Variants in KRI1 observed in about 807,000 individuals in gnomAD.
The protein encoded by KRI1 is KRI1 homolog, also known as protein KRI1 homolog.
A neutral mutation model predicts 97.0 loss-of-function variants in KRI1; 83 were observed. The observed-to-expected ratio is 0.86, with a 90% CI of 0.72 to 1.03. The LOEUF (loss-of-function observed/expected upper bound fraction) is 1.03. KRI1 is among the 50% of genes least tolerant of loss of function. KRI1 has a pLI of 0.00. For synonymous variants in KRI1, 371 were observed against 363.5 expected (o/e 1.02, Z -0.23); for missense variants, 916 against 928.4 (o/e 0.99, Z 0.17).
In KRI1 at chr19:10,557,781, C is replaced by T. The variant is rs202211862; in HGVS notation, c.1474G>A (p.Val492Met). 10 of 1,613,278 alleles carry T rather than the reference C, an allele frequency of 6.2e-6. No individual in the cohort carries two copies. Among genetic ancestry groups the T allele is most frequent in the African/African-American group, 4.0e-5 (3 of 75,064 alleles). ...FAAAVGQEKP[V>M]FEPGDKTFEE... ...ACCTGGGCCTCACCGGGTTCAAACA[C>T]GGGCTTCTCCTGCCCCACGGCCGCG... The change falls in exon 15 of 19, where the codon GTG becomes ATG. Residue 492 changes from valine (V) to methionine (M), a missense_variant. Physicochemically the swap from Val to Met is conservative, Grantham distance 21. This residue lies in a region of KRI1 where 672 missense variants were observed against 667.2 expected (regional missense o/e 1.01). Transcript: ENST00000312962.
Position 10,559,707 on chromosome 19 carries a change from A to C in KRI1, c.929T>G (p.Val310Gly). Residue 310 changes from valine to glycine, a missense_variant and splice_region_variant, in exon 11 of 19, where the codon GTC becomes GGC. Around this residue, in one of 3 missense-constraint regions of KRI1, gnomAD observed 672 missense variants for 667.2 expected, o/e 1.01. Coordinates refer to ENST00000312962, the MANE Select transcript of KRI1 (RefSeq NM_023008.5). ...CGCGATGCTGCGTGGGTAGGTCTTGACCTAGGCGCAATCAGAAAAGCCCAC... is the reference window on the plus strand; with the variant it reads ...CGCGATGCTGCGTGGGTAGGTCTTGCCCTAGGCGCAATCAGAAAAGCCCAC... ...FRFEEPDSAS[V>G]KTYPRSIASS... 6.2e-7 allele frequency: 1 copy of C among 1,613,676 alleles called. No individual in the cohort carries two copies. The highest frequency in any genetic ancestry group is 8.5e-7 in the Non-Finnish European group (1 of 1,179,940).
At chr19:10,565,075 GATA>G in intron 2 of KRI1, 41 bp from the exon 3 acceptor site, 1 of 1,306,934 alleles carries the variant, frequency 7.7e-7, no homozygotes. Context: ...TCAGAAGGGA[GATA>G]ATAAGAGCCC....
chr19:10,554,344 C>T lies in KRI1; in HGVS notation c.1782-63G>A. Reference sequence around the variant, plus strand: ...AAGATCAGGCCCATTCTTGAGCACGCATGCCCCATTTTACAGACAGGGAAA... The same window carrying T: ...AAGATCAGGCCCATTCTTGAGCACGTATGCCCCATTTTACAGACAGGGAAA... On this transcript the variant is annotated intron_variant, in intron 18 of 18. Coordinates refer to ENST00000312962, the MANE Select transcript of KRI1 (RefSeq NM_023008.5). 2.1e-6 allele frequency: 3 copies of T among 1,396,516 alleles called. No homozygotes were observed. In the South Asian group the frequency reaches 3.5e-5, roughly 17 times the overall value. 86.5% of individuals were successfully genotyped at this position (1,396,516 alleles called of 1,614,324 possible).
chr19:10,563,653 A>T (rs1916767030), intron 3 of KRI1, among the ~76,000 whole-genome samples: 1 of 151,710 alleles, frequency 6.6e-6, no homozygotes, highest in African/African-American at 2.4e-5. Context: ...AGCCTGATTA[A>T]TTATTATAAT....
At chr19:10,562,003 TG>T (rs1381736161) in intron 4 of KRI1, among the ~76,000 whole-genome samples, 158 bp from the exon 5 acceptor site, 2 of 149,818 alleles carry the variant, frequency 1.3e-5, no homozygotes, top group Non-Finnish European at 3.0e-5. Context: ...GCGATTCTGG[TG>T]AGTTTCCAGC....
intron 2 of KRI1, chr19:10,565,452 A>C: frequency 5.7e-6 from 3 of 522,620 alleles, no homozygotes; most frequent in Non-Finnish European, 1.0e-5. Context: ...TGAAAGAGGA[A>C]AGGGGGGGTT....
At position 10,554,189 on chromosome 19, in the gene KRI1, C is replaced by A. The variant is rs199907683; in HGVS notation, c.1874G>T (p.Gly625Val). 7 of 1,613,748 alleles carry A rather than the reference C, an allele frequency of 4.3e-6. No individual in the cohort carries two copies. In the African/African-American group the frequency reaches 9.3e-5, roughly 22 times the overall value. Residue 625 changes from glycine (G) to valine (V), a missense_variant, in exon 19 of 19, where the codon GGG becomes GTG. This residue lies in a region of KRI1 where 672 missense variants were observed against 667.2 expected (regional missense o/e 1.01). Transcript: ENST00000312962. ...QLPALDGSLM[G>V]PESPPAQEEE... ...TTCCTGTGCTGGGGGACTCTCCGGC[C>A]CCATCAAGCTGCCATCAAGGGCTGG...
At position 10,553,178 on chromosome 19, in the gene KRI1, C is replaced by G; in HGVS notation, c.*773G>C. 1.5e-6 allele frequency: 2 copies of G among 1,343,572 alleles called. No homozygotes were observed. Among genetic ancestry groups the G allele is most frequent in the Non-Finnish European group, 2.0e-6 (2 of 1,007,226 alleles). The allele number at this position is 1,343,572 out of a possible 1,614,324, so 83.2% of individuals were successfully genotyped here. A position where few individuals can be genotyped will look rare whatever the true frequency, so the allele number is the denominator to read the frequency against. On this transcript the variant is annotated 3_prime_UTR_variant, in exon 19 of 19. Coordinates refer to ENST00000312962, the MANE Select transcript of KRI1 (RefSeq NM_023008.5). ...ATGATGGTACTTCCTGTTGTCAGCC[C>G]CTCAAGCCCAGCTGCAACCAGTCTG...
intron 18 of KRI1, 126 bp from the exon 19 acceptor site, chr19:10,554,407 G>T: frequency 1.3e-6 from 1 of 787,848 alleles, no homozygotes; most frequent in Non-Finnish European, 2.0e-6. Flanking sequence ...GCGACCGAGG[G>T]CCTGCCTGGG....
Position 10,560,374 on chromosome 19 carries a change from G to A in KRI1, c.738C>T (p.Asn246=), listed in dbSNP as rs370456922. 2.2e-5 allele frequency: 35 copies of A among 1,613,422 alleles called. No individual in the cohort carries two copies. The highest frequency in any genetic ancestry group is 3.0e-5 in the Non-Finnish European group (35 of 1,179,798). ...CCTCTTCCTCCTCCTCATAGCGTTT[G>A]TTGAGGATGTAATCCCGCAGGAACC... ...GERFLRDYIL[N]KRYEEEEEEE... Residue 246 remains asparagine (N), a synonymous_variant, in exon 9 of 19, where the codon AAC becomes AAT. Transcript: ENST00000312962.
intron 5 of KRI1, 25 bp downstream of exon 5, chr19:10,561,766 C>T (rs376861135): frequency 6.2e-7 from 1 of 1,614,048 alleles, no homozygotes; most frequent in South Asian, 1.1e-5. Flanking sequence ...CCTCAGCCCC[C>T]CGACCCAGCC....
rs767445525 is a variant in KRI1, at chr19:10,555,317, C to A, written c.1650G>T (p.Arg550=). ...TGCAGGTCTTCTTTAGGGAGCACCA[C>A]CGGTTCAGCTCCTTATCGTCAGCAG... The part of the protein sequence containing the change: ...ILAADDKELN[R]WCSLKKTCMY... Residue 550 remains arginine, a synonymous_variant, in exon 17 of 19, where the codon CGG becomes CGT. Transcript: ENST00000312962. 6.2e-7 allele frequency: 1 copy of A among 1,612,984 alleles called. No homozygotes were observed. The highest frequency in any genetic ancestry group is 1.7e-5 in the Admixed American group (1 of 59,786).
At position 10,557,761 on chromosome 19, in the gene KRI1, G is replaced by A; in HGVS notation, c.1486+8C>T. 1 of 1,613,412 alleles carries A rather than the reference G, an allele frequency of 6.2e-7. No individual in the cohort carries two copies. Among genetic ancestry groups the A allele is most frequent in the Non-Finnish European group, 8.5e-7 (1 of 1,179,708 alleles). ...TGCCTACCCACGGCCTGCCCACCTG[G>A]GCCTCACCGGGTTCAAACACGGGCT... is the stretch of plus-strand genomic sequence containing the variant. On this transcript the variant is annotated splice_region_variant and intron_variant, in intron 15 of 18. Coordinates refer to ENST00000312962, the MANE Select transcript of KRI1 (RefSeq NM_023008.5).
chr19:10,561,873 A>C (rs1295538761), intron 4 of KRI1, 28 bp from the exon 5 acceptor site: 1 of 1,609,928 alleles, frequency 6.2e-7, no homozygotes, highest in Admixed American at 1.7e-5. Flanking sequence ...GGTCTTCAGA[A>C]TATATCTTCC....
At chr19:10,561,880 T>G in intron 4 of KRI1, 35 bp from the exon 5 acceptor site, 6 of 1,601,082 alleles carry the variant, frequency 3.7e-6, no homozygotes, top group Non-Finnish European at 5.1e-6. Context: ...AGAATATATC[T>G]TCCAGGGCCC....
In KRI1 at chr19:10,560,338, A is replaced by G; in HGVS notation, c.774T>C (p.Asp258=). The part of the protein sequence containing the change: ...RYEEEEEEEE[D]EEEMEEEEGV... ...CCTCCTCTTCCTCCATTTCCTCTTC[A>G]TCTTCCTCCTCCTCTTCCTCCTCCT... Residue 258 remains aspartate (D), a synonymous_variant, in exon 9 of 19, where the codon GAT becomes GAC. Transcript: ENST00000312962. 6.2e-7 allele frequency: 1 copy of G among 1,611,934 alleles called. No homozygotes were observed. The highest frequency in any genetic ancestry group is 1.7e-5 in the Admixed American group (1 of 59,792).
In KRI1 at chr19:10,553,497, G is replaced by A. The variant is rs574486922; in HGVS notation, c.*454C>T. On this transcript the variant is annotated 3_prime_UTR_variant, in exon 19 of 19. Coordinates refer to ENST00000312962, the MANE Select transcript of KRI1 (RefSeq NM_023008.5). Reference sequence around the variant, plus strand: ...TCTCGAGGTGAGAGCTCCAAGTCACGGGAAGTTTAAGTCAGCCTCAGTTTC... The same window carrying A: ...TCTCGAGGTGAGAGCTCCAAGTCACAGGAAGTTTAAGTCAGCCTCAGTTTC... 17 of 185,310 alleles carry A rather than the reference G, an allele frequency of 9.2e-5. No individual in the cohort carries two copies. Among genetic ancestry groups the A allele is most frequent in the African/African-American group, 3.0e-4 (13 of 42,748 alleles). The allele number at this position is 185,310 out of a possible 1,614,324, so 11.5% of individuals were successfully genotyped here.
chr19:10,554,795 A>G (rs1048717307), intron 18 of KRI1, among the ~76,000 whole-genome samples: 6 of 152,200 alleles, frequency 3.9e-5, no homozygotes, highest in South Asian at 4.1e-4. Context: ...GCTAAGACCT[A>G]TGGGGCATTT....
intron 2 of KRI1, chr19:10,565,265 T>C (rs977708862): frequency 3.5e-6 from 2 of 569,108 alleles, no homozygotes; most frequent in Non-Finnish European, 6.2e-6. Flanking sequence ...AAGGAGAAGG[T>C]AATTCCTGGG....
Sources: allele counts gnomAD v4.1 joint callset (sites outside exome capture counted in the v4.1 genomes callset), GRCh38; gene constraint gnomAD v4.1.1; regional missense constraint gnomAD v4.1.1; transcripts MANE v1.5; gene names NCBI Gene and HGNC (gene_info 2026-07-23, HGNC 2026-07-21).